The following FTCDNL1 variants were observed in gnomAD, a reference collection of about 807,000 sequenced individuals.
FTCDNL1 encodes formiminotransferase cyclodeaminase N-terminal like.
Under a neutral mutation model 5.9 loss-of-function variants are expected in FTCDNL1, and 11 were observed. The observed-to-expected ratio is 1.87, with a 90% CI of 1.18 to 3.10. FTCDNL1 has a LOEUF of 3.10. FTCDNL1 is among the 30% of genes most tolerant of loss of function. FTCDNL1 has a pLI of 0.00. For missense variants in FTCDNL1, 115 were observed against 65.5 expected (o/e 1.76, Z -2.61); for synonymous variants, 58 against 24.8 (o/e 2.34, Z -3.99).
chr2:199,828,862 G>A lies in FTCDNL1; in HGVS notation c.212-9105C>T, dbSNP rs534816072. 3.9e-5 allele frequency among the ~76,000 whole-genome samples: 6 copies of A among 152,292 alleles called. No individual in the cohort carries two copies. In the East Asian group the frequency reaches 1.2e-3, roughly 29 times the overall value. On this transcript the variant is annotated intron_variant, in intron 3 of 4. Transcript: ENST00000420128. The stretch of plus-strand genomic sequence containing the variant: ...CAGTGTCCATTCTAAACCAACAAAT[G>A]GGAGTAAGGAGTCACTCTGCTAACA...
downstream of FTCDNL1, among the ~76,000 whole-genome samples, chr2:199,759,297 G>GT (rs370554186): frequency 0.045 from 6,359 of 141,798 alleles, 391 homozygotes; most frequent in African/African-American, 0.14. Flanking sequence ...ATCATTTGTT[G>GT]TTTTTTTTTT....
chr2:199,754,120 A>C, the FTCDNL1 span, among the ~76,000 whole-genome samples: 1 of 152,174 alleles, frequency 6.6e-6, no homozygotes, highest in Non-Finnish European at 1.5e-5. Flanking sequence ...AGACAGCAGA[A>C]GTGTGGCACA....
chr2:199,782,701 T>C (rs11686453), intron 3 of FTCDNL1, among the ~76,000 whole-genome samples: 68,604 of 152,110 alleles, frequency 0.45, 17,655 homozygotes, highest in Non-Finnish European at 0.56. Context: ...GAGGGGGCCA[T>C]GTTAAAACAG....
chr2:199,789,614 T>G (rs1424503160), intron 3 of FTCDNL1, among the ~76,000 whole-genome samples: 5 of 152,120 alleles, frequency 3.3e-5, no homozygotes, highest in South Asian at 2.1e-4. Flanking sequence ...ATCTCTGATT[T>G]TTAGAGAAAA....
the FTCDNL1 span, among the ~76,000 whole-genome samples, chr2:199,689,856 A>C: frequency 7.3e-5 from 11 of 151,712 alleles, no homozygotes; most frequent in African/African-American, 1.7e-4. Flanking sequence ...GGGCACAAAG[A>C]TGTATGTGCA....
the FTCDNL1 span, among the ~76,000 whole-genome samples, chr2:199,705,358 A>C: frequency 6.6e-6 from 1 of 152,138 alleles, no homozygotes; most frequent in African/African-American, 2.4e-5. Flanking sequence ...TATCCCTATA[A>C]ATTTCATCAT....
the FTCDNL1 span, among the ~76,000 whole-genome samples, chr2:199,691,957 C>T: frequency 1.3e-5 from 2 of 152,168 alleles, no homozygotes; most frequent in Non-Finnish European, 2.9e-5. Context: ...ATTCTCAACT[C>T]ATGTATTTGC....
At chr2:199,748,171 T>C in the FTCDNL1 span, among the ~76,000 whole-genome samples, 82 of 152,328 alleles carry the variant, frequency 5.4e-4, no homozygotes, top group Non-Finnish European at 1.0e-3. Flanking sequence ...TGAAAGTATG[T>C]AGAATATACT....
At chr2:199,692,236 C>T in the FTCDNL1 span, among the ~76,000 whole-genome samples, 1 of 152,032 alleles carries the variant, frequency 6.6e-6, no homozygotes. Context: ...AAACAAAAAT[C>T]TAAGCAGGGG....
the FTCDNL1 span, among the ~76,000 whole-genome samples, chr2:199,740,880 A>G: frequency 6.6e-6 from 1 of 152,174 alleles, no homozygotes; most frequent in Non-Finnish European, 1.5e-5. Flanking sequence ...TCATGCTGTT[A>G]GAAGACAGGG....
At chr2:199,804,537 C>T (rs991252096), downstream of FTCDNL1, among the ~76,000 whole-genome samples, 1 of 152,180 alleles carries the variant, frequency 6.6e-6, no homozygotes, top group East Asian at 1.9e-4. Flanking sequence ...ATTTCCCACC[C>T]TCACCTCAAG....
At position 199,810,588 on chromosome 2, in the gene FTCDNL1, G is replaced by A. The variant is rs916238878; in HGVS notation, c.*2117C>T. Among the ~76,000 whole-genome samples the A allele has an allele frequency of 1.3e-5, 2 of 152,258 alleles. No homozygotes were observed. Among genetic ancestry groups the A allele is most frequent in the South Asian group, 2.1e-4 (1 of 4,820 alleles). ...TCTAGAGCTCAGGGGCAAATGTCCC[G>A]CCTTTCCCTGTCTCAGGGATGGTGC... On this transcript the variant is annotated 3_prime_UTR_variant, in exon 5 of 5. Transcript: ENST00000420128.
chr2:199,745,224 CT>C, the FTCDNL1 span, among the ~76,000 whole-genome samples: 1 of 152,232 alleles, frequency 6.6e-6, no homozygotes, highest in Non-Finnish European at 1.5e-5. Flanking sequence ...ATGCTGGACT[CT>C]GTTCCAGGAA....
chr2:199,699,134 C>A, the FTCDNL1 span, among the ~76,000 whole-genome samples: 2 of 152,074 alleles, frequency 1.3e-5, no homozygotes, highest in East Asian at 3.9e-4. Flanking sequence ...AATCAACCAA[C>A]CAGAAAGAGC....
At chr2:199,820,745 A>G (rs1036195220) in intron 3 of FTCDNL1, among the ~76,000 whole-genome samples, 6 of 152,204 alleles carry the variant, frequency 3.9e-5, no homozygotes, top group Middle Eastern at 3.2e-3. Context: ...GGCAAAATAT[A>G]GAATTGCTGG....
At chr2:199,765,556 A>ATATATATATTTTTTTT in intron 3 of FTCDNL1, among the ~76,000 whole-genome samples, 6 of 42,648 alleles carry the variant, frequency 1.4e-4, no homozygotes, top group Non-Finnish European at 1.4e-4. Flanking sequence ...ATATATATAT[A>ATATATATATTTTTTTT]TTTTTTTTTT....
chr2:199,763,137 G>A lies in FTCDNL1; in HGVS notation c.212-2302C>T, dbSNP rs1257238267. Among the ~76,000 whole-genome samples the A allele has an allele frequency of 2.6e-5, 4 of 152,164 alleles. No individual in the cohort carries two copies. In the South Asian group the frequency reaches 6.2e-4, roughly 24 times the overall value. ...AAAAGCACTGCTCAGGGCCCATCCG[G>A]TTCTAAGTCACTACAATTATAGAGA... On this transcript the variant is annotated intron_variant, in intron 3 of 3. Coordinates refer to the FTCDNL1 transcript ENST00000416668.
chr2:199,776,351 C>G (rs1266654786), intron 3 of FTCDNL1, among the ~76,000 whole-genome samples: 1 of 152,180 alleles, frequency 6.6e-6, no homozygotes, highest in Non-Finnish European at 1.5e-5. Context: ...TACATACATC[C>G]CCAAAACAAC....
the FTCDNL1 span, among the ~76,000 whole-genome samples, chr2:199,675,480 A>G: frequency 6.6e-6 from 1 of 152,212 alleles, no homozygotes; most frequent in Non-Finnish European, 1.5e-5. Flanking sequence ...TAATAACTAC[A>G]TTAGCCATAT....
Sources: gnomAD v4.1 joint callset for allele counts (sites outside exome capture counted in the v4.1 genomes callset) on GRCh38, gnomAD v4.1.1 for gene constraint, MANE v1.5 for transcripts, NCBI Gene and HGNC (gene_info 2026-07-23, HGNC 2026-07-21) for gene names.